Variants in COL1A2 observed in about 807,000 individuals in gnomAD.
The protein encoded by COL1A2 is collagen alpha-2(I) chain.
Under a neutral mutation model 174.3 loss-of-function variants are expected in COL1A2, and 49 were observed. That is an observed-to-expected ratio of 0.28 (90% confidence interval 0.22 to 0.36). COL1A2 has a LOEUF of 0.36. Ranked by LOEUF, COL1A2 falls within the 10% of genes least tolerant of loss-of-function variation. The probability of loss-of-function intolerance (pLI) is 1.00; values close to 1 mark genes in which losing one functional copy is unlikely to be tolerated. For missense variants in COL1A2, 1,438 were observed against 1,822.7 expected, an observed-to-expected ratio of 0.79 and a Z score of 3.84; for synonymous variants, 655 against 606.6, an observed-to-expected ratio of 1.08 and a Z score of -1.17.
Position 94,425,644 on chromosome 7 carries a change from A to T in COL1A2, c.2816A>T (p.Asp939Val), listed in dbSNP as rs1441312584. Reference protein sequence around the residue: ...NPGNDGPPGRDGQPGHKGERG... With the variant: ...NPGNDGPPGRVGQPGHKGERG... ...GGGAACGATGGTCCCCCAGGTCGCG[A>T]TGGTCAACCCGGACACAAGGTCAGT... Residue 939 changes from aspartate to valine, a missense_variant, in exon 43 of 52, where the codon GAT (aspartate) becomes GTT (valine). Transcript: ENST00000297268. The T allele has an allele frequency of 6.2e-7, 1 of 1,614,040 alleles. No homozygotes were observed. Among genetic ancestry groups the T allele is most frequent in the East Asian group, 2.2e-5 (1 of 44,892 alleles).
Position 94,405,215 on chromosome 7 carries a change from C to T in COL1A2, c.449C>T (p.Pro150Leu). ...CATGTTTAGGGTCACCCTGGAAAAC[C>T]CGGACGACCTGGTGAGAGAGGAGTT... ...KAGEDGHPGKPGRPGERGVVG... is the reference protein window; with the variant it reads ...KAGEDGHPGKLGRPGERGVVG... Residue 150 changes from proline (P) to leucine (L), a missense_variant, in exon 10 of 52, where the codon CCC (proline) becomes CTC (leucine). By Grantham distance (98) the Pro-to-Leu change is moderately conservative. Around this residue, in one of 3 missense-constraint regions of COL1A2, gnomAD observed 281 missense variants for 310.9 expected, o/e 0.90. Transcript: ENST00000297268. 6.2e-7 allele frequency: 1 copy of T among 1,613,760 alleles called. No individual in the cohort carries two copies. Among genetic ancestry groups the T allele is most frequent in the Non-Finnish European group, 8.5e-7 (1 of 1,179,874 alleles).
chr7:94,426,089 T>C (rs1792272442), intron 45 of COL1A2, 38 bp downstream of exon 45: 2 of 1,554,148 alleles, frequency 1.3e-6, no homozygotes, highest in Non-Finnish European at 8.9e-7. Flanking sequence ...AACACTAACA[T>C]TTAGAGAGAA....
chr7:94,412,054 C>T lies in COL1A2; in HGVS notation c.1351-14C>T. 1 of 1,606,614 alleles carries T rather than the reference C, an allele frequency of 6.2e-7. No homozygotes were observed. The highest frequency in any genetic ancestry group is 8.5e-7 in the Non-Finnish European group (1 of 1,174,794). On this transcript the variant is annotated splice_polypyrimidine_tract_variant and intron_variant, in intron 23 of 51. Transcript: ENST00000297268. ...TAAAGTGCCAATATAAAAACATCCT[C>T]ATTTATTTTATAGGGTCTTCCTGGT...
intron 1 of COL1A2, chr7:94,395,421 A>C: frequency 5.2e-6 from 2 of 381,414 alleles, no homozygotes; most frequent in African/African-American, 4.2e-5. Context: ...TTAACGACCA[A>C]TGTGGTGGAG....
intron 29 of COL1A2, among the ~76,000 whole-genome samples, chr7:94,414,749 ATT>A (rs1465771395): frequency 1.3e-5 from 2 of 152,206 alleles, no homozygotes; most frequent in Non-Finnish European, 2.9e-5. Context: ...ATTTAGTTAC[ATT>A]CTGTGGCCTG....
At chr7:94,418,617 A>T in intron 33 of COL1A2, 65 bp downstream of exon 33, 2 of 1,370,400 alleles carry the variant, frequency 1.5e-6, no homozygotes, top group Admixed American at 1.8e-5. Context: ...TGAATTGAGA[A>T]GTTTTCCAAA....
At chr7:94,407,778 T>G in intron 12 of COL1A2, 69 bp from the exon 13 acceptor site, 1 of 1,409,408 alleles carries the variant, frequency 7.1e-7, no homozygotes, top group East Asian at 2.3e-5. Flanking sequence ...AAAAATAGAG[T>G]AAAATTGCAC....
At chr7:94,406,227 T>TTA (rs752109224) in intron 11 of COL1A2, 23 bp from the exon 12 acceptor site, 1 of 1,612,750 alleles carries the variant, frequency 6.2e-7, no homozygotes, top group South Asian at 1.1e-5. Context: ...GAACAGCATT[T>TTA]TATAATAAGG....
At chr7:94,423,154 A>C (rs745967975) in intron 40 of COL1A2, 36 bp downstream of exon 40, 2 of 1,611,320 alleles carry the variant, frequency 1.2e-6, no homozygotes, top group East Asian at 4.5e-5. Flanking sequence ...TTAATACCTT[A>C]TGCTGAATTA....
At chr7:94,423,363 A>G in intron 40 of COL1A2, 1 of 511,696 alleles carries the variant, frequency 2.0e-6, no homozygotes, top group South Asian at 2.1e-5. Flanking sequence ...CCTTAAAGCT[A>G]TTGAAGGCAC....
At chr7:94,424,044 A>G (rs1562906383) in intron 40 of COL1A2, 7 of 389,276 alleles carry the variant, frequency 1.8e-5, no homozygotes, top group Non-Finnish European at 1.9e-5. Context: ...TTCCCTGCCT[A>G]GAGGCTATAA....
intron 23 of COL1A2, among the ~76,000 whole-genome samples, chr7:94,411,533 T>A (rs1791924031): frequency 6.6e-6 from 1 of 152,198 alleles, no homozygotes; most frequent in Admixed American, 6.5e-5. Flanking sequence ...TGAAGTCTTT[T>A]TCCTAGCAAT....
chr7:94,416,702 G>A, intron 31 of COL1A2, 199 bp downstream of exon 31: 1 of 584,350 alleles, frequency 1.7e-6, no homozygotes, highest in Non-Finnish European at 3.0e-6. Context: ...ACAAACTGTG[G>A]GGGAAAATTC....
intron 6 of COL1A2, among the ~76,000 whole-genome samples, chr7:94,402,492 C>T (rs543063828): frequency 1.3e-5 from 2 of 151,998 alleles, no homozygotes; most frequent in East Asian, 1.9e-4. Flanking sequence ...AGTGGAGCAC[C>T]GCTTAGAAAC....
chr7:94,398,268 G>A, intron 2 of COL1A2, 114 bp from the exon 3 acceptor site: 1 of 353,364 alleles, frequency 2.8e-6, no homozygotes. Flanking sequence ...AATAGTAAAT[G>A]CATAATGTAA....
chr7:94,413,592 G>T, intron 26 of COL1A2, 98 bp from the exon 27 acceptor site: 1 of 1,197,552 alleles, frequency 8.4e-7, no homozygotes, highest in South Asian at 1.2e-5. Context: ...ATGCTAAAAT[G>T]ACAAACTTGT....
rs1792349373 is a variant in COL1A2 at position 94,429,218 on chromosome 7, A to G, written c.3742A>G (p.Lys1248Glu). 1 of 1,612,848 alleles carries G rather than the reference A, an allele frequency of 6.2e-7. No homozygotes were observed. Among genetic ancestry groups the G allele is most frequent in the Non-Finnish European group, 8.5e-7 (1 of 1,179,360 alleles). ...FEYNVEGVTSKEMATQLAFMR... is the reference protein window; with the variant it reads ...FEYNVEGVTSEEMATQLAFMR... ...ATATAATGTAGAAGGAGTGACTTCC[A>G]AGGAAATGGCTACCCAACTTGCCTT... The change falls in exon 51 of 52, where the codon AAG becomes GAG. Residue 1248 changes from lysine to glutamate, a missense_variant. By Grantham distance (56) the Lys-to-Glu change is moderately conservative. Around this residue, in one of 3 missense-constraint regions of COL1A2, gnomAD observed 290 missense variants for 298.1 expected, o/e 0.97. Coordinates refer to ENST00000297268, the MANE Select transcript of COL1A2 (RefSeq NM_000089.4).
chr7:94,416,054 A>G (rs914428726), intron 30 of COL1A2, among the ~76,000 whole-genome samples: 2 of 152,210 alleles, frequency 1.3e-5, no homozygotes, highest in Non-Finnish European at 2.9e-5. Flanking sequence ...AAAATGACAC[A>G]ATCTTTTCTT....
chr7:94,405,842 A>G, intron 11 of COL1A2, 116 bp downstream of exon 11: 1 of 898,482 alleles, frequency 1.1e-6, no homozygotes. Flanking sequence ...GGAGTTTGCC[A>G]AAGGGAAGAA....
Sources: gnomAD v4.1 joint callset for allele counts (sites outside exome capture counted in the v4.1 genomes callset) on GRCh38, gnomAD v4.1.1 for gene constraint, gnomAD v4.1.1 regional missense constraint, MANE v1.5 for transcripts, NCBI Gene and HGNC (gene_info 2026-07-23, HGNC 2026-07-21) for gene names.